Variants in NRG3 observed in about 807,000 individuals in gnomAD.
The protein encoded by NRG3 is neuregulin 3.
A neutral mutation model predicts 66.9 loss-of-function variants in NRG3; 31 were observed. The observed-to-expected ratio is 0.46, with a 90% CI of 0.35 to 0.63. The LOEUF is 0.63. Among genes scored for constraint, NRG3 ranks in the 20% least tolerant of loss-of-function variants. The pLI is 0.00. For missense variants in NRG3, 910 were observed against 878.9 expected, an observed-to-expected ratio of 1.04 and a Z score of -0.45; for synonymous variants, 393 against 359.4, an observed-to-expected ratio of 1.09 and a Z score of -1.06.
intron 5 of NRG3, among the ~76,000 whole-genome samples, chr10:82,954,314 C>T (rs889274444): frequency 6.6e-6 from 1 of 151,930 alleles, no homozygotes; most frequent in African/African-American, 2.4e-5. Flanking sequence ...AAGCAAACAG[C>T]TGGATTACCA....
chr10:82,642,038 G>T (rs549494461), intron 2 of NRG3, among the ~76,000 whole-genome samples: 2 of 151,742 alleles, frequency 1.3e-5, no homozygotes, highest in Non-Finnish European at 1.5e-5. Flanking sequence ...GTTATTTACC[G>T]CCCACTAAAT....
chr10:81,958,663 G>C (rs1388427055), intron 1 of NRG3, among the ~76,000 whole-genome samples: 1 of 152,194 alleles, frequency 6.6e-6, no homozygotes, highest in Non-Finnish European at 1.5e-5. Context: ...GCCGAGGTGG[G>C]TGGATCACCT....
chr10:82,294,693 A>T (rs570649441), intron 1 of NRG3, among the ~76,000 whole-genome samples: 13 of 152,258 alleles, frequency 8.5e-5, no homozygotes, highest in African/African-American at 3.1e-4. Context: ...TCTCCAAATG[A>T]AATATACACA....
At chr10:82,290,213 G>A (rs1231998588) in intron 1 of NRG3, among the ~76,000 whole-genome samples, 1 of 152,136 alleles carries the variant, frequency 6.6e-6, no homozygotes, top group African/African-American at 2.4e-5. Flanking sequence ...GTTCTCATAA[G>A]TCGTTATTGG....
rs140175573 is a variant in NRG3, at chr10:82,844,866, C to T, written c.1028-20545C>T. On this transcript the variant is annotated intron_variant, in intron 3 of 8. Coordinates refer to ENST00000372141, the MANE Select transcript of NRG3 (RefSeq NM_001010848.4). ...AAAAATAGGTTGGAAATTTAAAGGG[C>T]TTCACAGGCCAGGAGTGGTTGCTCA... Among the ~76,000 whole-genome samples, 1,216 of 152,246 alleles carry T rather than the reference C, an allele frequency of 8.0e-3. 16 individuals carry two copies. The highest frequency in any genetic ancestry group is 0.027 in the African/African-American group (1,140 of 41,548).
intron 3 of NRG3, among the ~76,000 whole-genome samples, chr10:82,739,549 C>T (rs1158929588): frequency 1.3e-5 from 2 of 152,196 alleles, no homozygotes; most frequent in Non-Finnish European, 2.9e-5. Context: ...GTGCGTTTTG[C>T]TGCATAATGA....
rs1360171244 is a variant in NRG3, at chr10:82,844,671, C to G, written c.1028-20740C>G. Among the ~76,000 whole-genome samples the G allele has an allele frequency of 3.6e-5, 5 of 138,524 alleles. No individual in the cohort carries two copies. The Admixed American group carries it at 3.7e-4, about 10-fold the overall frequency. The allele number at this position is 138,524 out of a possible 152,430, so 90.9% of individuals were successfully genotyped here. On this transcript the variant is annotated intron_variant, in intron 3 of 8. Coordinates refer to ENST00000372141, the MANE Select transcript of NRG3 (RefSeq NM_001010848.4). The stretch of plus-strand genomic sequence containing the variant: ...CTAGGATCCAAAACGCCTCTACAAT[C>G]TTTTTTTTTTTTTTTTCCAAATAAG...
chr10:82,459,689 C>G (rs113535521), intron 2 of NRG3, among the ~76,000 whole-genome samples: 228 of 152,254 alleles, frequency 1.5e-3, no homozygotes, highest in African/African-American at 5.3e-3. Context: ...TCCACTTGAT[C>G]CCAGAGAAAG....
chr10:82,570,257 G>A (rs1469335444), intron 2 of NRG3, among the ~76,000 whole-genome samples: 1 of 151,566 alleles, frequency 6.6e-6, no homozygotes, highest in Non-Finnish European at 1.5e-5. Flanking sequence ...CCTTAACCTG[G>A]CCTTAAAGAC....
chr10:81,932,969 C>T (rs757453792), intron 1 of NRG3, among the ~76,000 whole-genome samples: 19 of 152,006 alleles, frequency 1.2e-4, no homozygotes, highest in Admixed American at 2.6e-4. Context: ...GTTAGCCAGG[C>T]GTGATGGTGG....
In NRG3 at chr10:82,333,475, T is replaced by C. The variant is rs115916999; in HGVS notation, c.824-25264T>C. Among the ~76,000 whole-genome samples the C allele has an allele frequency of 3.9e-3, 601 of 152,292 alleles. 5 individuals carry two copies. Among genetic ancestry groups the C allele is most frequent in the African/African-American group, 0.014 (575 of 41,560 alleles). ...AAGAGTTACTGCTACATGGAGGCAT[T>C]TTCCTAGAATGTCCCTCAGTATAGG... On this transcript the variant is annotated intron_variant, in intron 1 of 8. Coordinates refer to ENST00000372141, the MANE Select transcript of NRG3 (RefSeq NM_001010848.4).
intron 1 of NRG3, among the ~76,000 whole-genome samples, chr10:82,044,939 G>C (rs532745963): frequency 6.6e-6 from 1 of 151,738 alleles, no homozygotes; most frequent in Non-Finnish European, 1.5e-5. Flanking sequence ...GTGTACATGT[G>C]CCACATTTTC....
chr10:82,869,227 GT>G (rs1841050480), intron 4 of NRG3, among the ~76,000 whole-genome samples: 1 of 152,140 alleles, frequency 6.6e-6, no homozygotes, highest in South Asian at 2.1e-4. Context: ...TTTTCACACA[GT>G]TTTAAGTTCA....
At chr10:82,686,488 C>G (rs1008710286) in intron 2 of NRG3, among the ~76,000 whole-genome samples, 1 of 152,022 alleles carries the variant, frequency 6.6e-6, no homozygotes, top group Non-Finnish European at 1.5e-5. Context: ...GCGCCCTGCC[C>G]CATGTGCTAT....
At chr10:82,044,690 A>C (rs2063194893) in intron 1 of NRG3, among the ~76,000 whole-genome samples, 1 of 152,046 alleles carries the variant, frequency 6.6e-6, no homozygotes, top group East Asian at 1.9e-4. Flanking sequence ...CTCTTCATTT[A>C]GCATTAGGTA....
rs188595720 is a variant in NRG3, at chr10:82,902,695, T to C, written c.1054+37258T>C. ...AGAACTTTGTTTCTGTATACATTAT[T>C]ATATGTATTATATATGTGTATATAC... On this transcript the variant is annotated intron_variant, in intron 4 of 8. Transcript: ENST00000372141. Among the ~76,000 whole-genome samples, 147 of 152,244 alleles carry C rather than the reference T, an allele frequency of 9.7e-4. 3 individuals are homozygous for C. In the East Asian group the frequency reaches 0.026, roughly 27 times the overall value.
intron 2 of NRG3, among the ~76,000 whole-genome samples, chr10:82,644,788 A>T (rs1474361202): frequency 2.0e-5 from 3 of 152,152 alleles, no homozygotes; most frequent in African/African-American, 7.2e-5. Flanking sequence ...CCAGAATTGG[A>T]ATCATCAGAT....
At chr10:82,150,692 A>G (rs1276970335) in intron 1 of NRG3, among the ~76,000 whole-genome samples, 1 of 152,138 alleles carries the variant, frequency 6.6e-6, no homozygotes, top group Non-Finnish European at 1.5e-5. Flanking sequence ...GCGCCTGGAC[A>G]TTCCAGTGAC....
At chr10:81,978,890 G>T (rs1186667828) in intron 1 of NRG3, among the ~76,000 whole-genome samples, 1 of 151,790 alleles carries the variant, frequency 6.6e-6, no homozygotes, top group Non-Finnish European at 1.5e-5. Context: ...TAGCCATAAT[G>T]TATTTTTAAA....
Sources: allele counts gnomAD v4.1 joint callset (sites outside exome capture counted in the v4.1 genomes callset), GRCh38; gene constraint gnomAD v4.1.1; transcripts MANE v1.5; gene names NCBI Gene and HGNC (gene_info 2026-07-23, HGNC 2026-07-21).